Variants in FOCAD observed in about 807,000 individuals in gnomAD.
FOCAD encodes the protein focadhesin, also known as KIAA1797.
In FOCAD, 198 loss-of-function variants were observed where a neutral mutation model predicts 225.6. That is an observed-to-expected ratio of 0.88 (90% CI 0.78 to 0.99). The LOEUF is 0.99. Among genes scored for constraint, FOCAD ranks in the 50% least tolerant of loss-of-function variants. The pLI is 0.00. For missense variants in FOCAD, 2,713 were observed against 2,123.6 expected, an observed-to-expected ratio of 1.28 and a Z score of -5.46; for synonymous variants, 897 against 755.0, an observed-to-expected ratio of 1.19 and a Z score of -3.08.
chr9:20,924,595 C>G (rs1196881424), intron 25 of FOCAD, among the ~76,000 whole-genome samples: 1 of 152,164 alleles, frequency 6.6e-6, no homozygotes. Flanking sequence ...ATTATTCAGT[C>G]TGTCTCTGTC....
intron 21 of FOCAD, among the ~76,000 whole-genome samples, chr9:20,888,246 C>G (rs186884418): frequency 6.8e-6 from 1 of 148,014 alleles, no homozygotes; most frequent in Non-Finnish European, 1.5e-5. Flanking sequence ...TCAAGCGATT[C>G]TCCCACCTCA....
chr9:20,981,460 C>T lies in FOCAD; in HGVS notation c.4412C>T (p.Pro1471Leu), dbSNP rs770241484. 3 of 1,614,118 alleles carry T rather than the reference C, an allele frequency of 1.9e-6. No individual in the cohort carries two copies. The highest frequency in any genetic ancestry group is 1.7e-5 in the Admixed American group (1 of 60,028). The stretch of plus-strand genomic sequence containing the variant: ...AAGAGATATCTCCTGATATCTGCAC[C>T]TCTGTGGATAAAACACATCTCTGAT... ...NTKRYLLISA[P>L]LWIKHISDEQ... Residue 1471 changes from proline to leucine, a missense_variant, in exon 38 of 44, where the codon CCT becomes CTT. Transcript: ENST00000338382.
At chr9:20,756,262 A>T (rs1218010314) in intron 5 of FOCAD, among the ~76,000 whole-genome samples, 1 of 152,162 alleles carries the variant, frequency 6.6e-6, no homozygotes, top group Non-Finnish European at 1.5e-5. Flanking sequence ...GGCTGCCAGC[A>T]TGTGAAGTTA....
chr9:20,957,585 C>G (rs1370862511), intron 35 of FOCAD: 1 of 142,306 alleles, frequency 7.0e-6, no homozygotes, highest in Non-Finnish European at 1.5e-5. Flanking sequence ...AGTGATTGGC[C>G]TGCCTCAGCC....
intron 5 of FOCAD, among the ~76,000 whole-genome samples, chr9:20,749,011 G>A (rs1267033611): frequency 6.6e-6 from 1 of 152,044 alleles, no homozygotes; most frequent in Non-Finnish European, 1.5e-5. Context: ...CTATTTGTTT[G>A]TCTCTAGGTG....
intron 18 of FOCAD, among the ~76,000 whole-genome samples, chr9:20,871,251 T>G (rs999945413): frequency 1.3e-5 from 2 of 152,118 alleles, no homozygotes; most frequent in African/African-American, 2.4e-5. Flanking sequence ...CATTTAAGTT[T>G]TTTAACAAAG....
intron 15 of FOCAD, among the ~76,000 whole-genome samples, chr9:20,859,762 C>G (rs1019081957): frequency 6.7e-6 from 1 of 148,730 alleles, no homozygotes; most frequent in Admixed American, 6.7e-5. Context: ...ACTACAACAT[C>G]GATGAACCTT....
intron 4 of FOCAD, among the ~76,000 whole-genome samples, chr9:20,720,836 T>C (rs1435212695): frequency 1.3e-5 from 2 of 152,210 alleles, no homozygotes; most frequent in Non-Finnish European, 2.9e-5. Flanking sequence ...ATTCCTGACA[T>C]TTTAAGAAAG....
chr9:20,823,362 CT>C (rs1400009105), intron 15 of FOCAD, among the ~76,000 whole-genome samples: 2 of 151,976 alleles, frequency 1.3e-5, no homozygotes, highest in African/African-American at 4.8e-5. Context: ...TTTCTTTCTT[CT>C]TATTTATTTT....
intron 23 of FOCAD, among the ~76,000 whole-genome samples, chr9:20,913,188 ACG>A (rs1491093533): frequency 2.8e-5 from 4 of 145,388 alleles, no homozygotes; most frequent in East Asian, 2.0e-4. Flanking sequence ...ACACACACAC[ACG>A]TTCTAAAACA....
rs760242048 is a variant in FOCAD at position 20,819,836 on chromosome 9, G to C, written c.1496G>C (p.Arg499Thr). 1 of 1,539,232 alleles carries C rather than the reference G, an allele frequency of 6.5e-7. No homozygotes were observed. The highest frequency in any genetic ancestry group is 1.3e-5 in the South Asian group (1 of 75,046). ...CCAGTTTTGATGTTCAAATTGGGAA[G>C]ACCACTGGAACCTATATTATATAAT... ...LIPVLMFKLG[R>T]PLEPILYNDI... Residue 499 changes from arginine (R) to threonine (T), a missense_variant, in exon 12 of 44, where the codon AGA (arginine) becomes ACA (threonine). Arg to Thr is a moderately conservative substitution (Grantham distance 71). Coordinates refer to ENST00000338382, the MANE Select transcript of FOCAD (RefSeq NM_001375567.1).
At chr9:20,673,414 T>C (rs757003854) in intron 2 of FOCAD, among the ~76,000 whole-genome samples, 5 of 152,204 alleles carry the variant, frequency 3.3e-5, no homozygotes, top group Non-Finnish European at 7.3e-5. Flanking sequence ...CTAATTTCTC[T>C]GCATCGGCAT....
intron 22 of FOCAD, among the ~76,000 whole-genome samples, chr9:20,912,394 A>G (rs542761169): frequency 1.3e-5 from 2 of 152,246 alleles, no homozygotes; most frequent in East Asian, 1.9e-4. Flanking sequence ...AGTGTAATGT[A>G]GAGCTGTTGG....
At chr9:20,905,753 A>T (rs1251540585) in intron 21 of FOCAD, among the ~76,000 whole-genome samples, 1 of 152,026 alleles carries the variant, frequency 6.6e-6, no homozygotes, top group East Asian at 1.9e-4. Flanking sequence ...GTAGTTTGCC[A>T]CCTGGATAAC....
At chr9:20,783,323 G>C (rs546456100) in intron 10 of FOCAD, among the ~76,000 whole-genome samples, 111 of 152,152 alleles carry the variant, frequency 7.3e-4, no homozygotes, top group African/African-American at 2.6e-3. Flanking sequence ...CTTTAAGGAG[G>C]CTTTGAGTAG....
At chr9:20,793,536 C>A (rs1314844670) in intron 11 of FOCAD, among the ~76,000 whole-genome samples, 1 of 152,134 alleles carries the variant, frequency 6.6e-6, no homozygotes, top group Non-Finnish European at 1.5e-5. Context: ...GGAATTGTAA[C>A]TTTTCAGTTC....
intron 4 of FOCAD, among the ~76,000 whole-genome samples, chr9:20,728,080 C>G (rs1469852102): frequency 6.6e-6 from 1 of 152,100 alleles, no homozygotes; most frequent in Non-Finnish European, 1.5e-5. Flanking sequence ...ATTAACCTAG[C>G]AAAAACAGTC....
At chr9:20,744,893 A>G (rs1827923507) in intron 5 of FOCAD, among the ~76,000 whole-genome samples, 2 of 152,310 alleles carry the variant, frequency 1.3e-5, no homozygotes, top group East Asian at 1.9e-4. Flanking sequence ...ACAAGATGCA[A>G]TCAGTGGGCA....
rs148483617 is a variant in FOCAD, at chr9:20,809,491, C to G, written c.1456-10305C>G. 5.5e-3 allele frequency among the ~76,000 whole-genome samples: 836 copies of G among 152,186 alleles called. 10 individuals carry two copies. Among genetic ancestry groups the G allele is most frequent in the African/African-American group, 0.017 (698 of 41,532 alleles). ...ATCAAATTAAAATAGCCAAATGTGG[C>G]TAGTGGCTACTGTATTGGGCAACCT... On this transcript the variant is annotated intron_variant, in intron 11 of 43. Transcript: ENST00000338382.
Sources: allele counts gnomAD v4.1 joint callset (sites outside exome capture counted in the v4.1 genomes callset), GRCh38; gene constraint gnomAD v4.1.1; transcripts MANE v1.5; gene names NCBI Gene and HGNC (gene_info 2026-07-23, HGNC 2026-07-21).